GLRX3: variants seen among roughly 807,000 people sequenced by gnomAD.
GLRX3 encodes glutaredoxin-3.
A neutral mutation model predicts 49.5 loss-of-function variants in GLRX3; 22 were observed. That is an observed-to-expected ratio of 0.44 (90% CI 0.32 to 0.63). The LOEUF (loss-of-function observed/expected upper bound fraction) is 0.63, where lower values mean the gene tolerates loss of function less well. Among genes scored for constraint, GLRX3 ranks in the 30% least tolerant of loss-of-function variants. The pLI is 0.05. For synonymous variants in GLRX3, 133 were observed against 140.0 expected (o/e 0.95, Z 0.35); for missense variants, 385 against 396.3 (o/e 0.97, Z 0.24).
chr10:130,138,662 A>C (rs1263838588), intron 1 of GLRX3, among the ~76,000 whole-genome samples: 1 of 152,174 alleles, frequency 6.6e-6, no homozygotes, highest in Non-Finnish European at 1.5e-5. Flanking sequence ...CATCCAGTAC[A>C]GATCAGCACA....
intron 2 of GLRX3, among the ~76,000 whole-genome samples, chr10:130,152,376 G>T (rs1023648840): frequency 2.0e-5 from 3 of 152,118 alleles, no homozygotes; most frequent in Non-Finnish European, 4.4e-5. Flanking sequence ...TTGCCCGTTC[G>T]TTAATGCAGT....
intron 1 of GLRX3, among the ~76,000 whole-genome samples, chr10:130,143,054 TC>T (rs1418407560): frequency 6.6e-6 from 1 of 152,150 alleles, no homozygotes; most frequent in Non-Finnish European, 1.5e-5. Context: ...CCATTAAACT[TC>T]CTTTCCTCAG....
rs141156040 is a variant in GLRX3 at position 130,175,104 on chromosome 10, T to G, written c.957+15T>G. On this transcript the variant is annotated intron_variant, in intron 10 of 10. Transcript: ENST00000331244. ...ATATTGTGAAGGTAAGGCCAGTTCT[T>G]CTGCTGTTCTAAAGAACGGAAAAGA... 671 of 1,332,812 alleles carry G rather than the reference T, an allele frequency of 5.0e-4. 1 individual carries two copies. The African/African-American group carries it at 8.7e-3, about 17-fold the overall frequency. The allele number at this position is 1,332,812 out of a possible 1,614,324, so 82.6% of individuals were successfully genotyped here.
At chr10:130,166,270 A>G (rs1297875100) in intron 4 of GLRX3, among the ~76,000 whole-genome samples, 3 of 150,708 alleles carry the variant, frequency 2.0e-5, no homozygotes, top group Non-Finnish European at 4.4e-5. Context: ...CAGTAGTCAC[A>G]GTTGTGTCAA....
chr10:130,149,151 G>T (rs1369257778), intron 2 of GLRX3, among the ~76,000 whole-genome samples: 5 of 152,168 alleles, frequency 3.3e-5, no homozygotes, highest in Admixed American at 1.3e-4. Flanking sequence ...GCCATGTCTA[G>T]TGGGCTCTTC....
chr10:130,167,933 C>T (rs1862725200), intron 6 of GLRX3, among the ~76,000 whole-genome samples: 1 of 152,082 alleles, frequency 6.6e-6, no homozygotes, highest in African/African-American at 2.4e-5. Flanking sequence ...TGGTTCTTGC[C>T]TGTAGCCTGG....
At chr10:130,151,246 T>C (rs1862371621) in intron 2 of GLRX3, among the ~76,000 whole-genome samples, 1 of 152,200 alleles carries the variant, frequency 6.6e-6, no homozygotes, top group Non-Finnish European at 1.5e-5. Context: ...TGTTAAATCT[T>C]AAAAAGACTG....
At chr10:130,155,733 G>A (rs961101434) in intron 2 of GLRX3, among the ~76,000 whole-genome samples, 1 of 152,122 alleles carries the variant, frequency 6.6e-6, no homozygotes, top group Non-Finnish European at 1.5e-5. Flanking sequence ...TAATAGCAGC[G>A]TCATTTAGAG....
chr10:130,166,181 A>G (rs761451535), intron 4 of GLRX3, among the ~76,000 whole-genome samples: 26 of 146,680 alleles, frequency 1.8e-4, no homozygotes, highest in Non-Finnish European at 2.9e-4. Context: ...GGCTAGTGCT[A>G]TTTCTCCTGT....
chr10:130,158,714 C>A (rs1862522931), intron 2 of GLRX3, among the ~76,000 whole-genome samples: 1 of 151,944 alleles, frequency 6.6e-6, no homozygotes, highest in African/African-American at 2.4e-5. Flanking sequence ...GAAAATAACA[C>A]AAACGTCTTT....
chr10:130,137,013 C>T (rs1862068568), intron 1 of GLRX3, among the ~76,000 whole-genome samples: 2 of 152,264 alleles, frequency 1.3e-5, no homozygotes, highest in South Asian at 4.1e-4. Context: ...CTTCAGCCTC[C>T]CTTCAGGAAC....
chr10:130,147,996 G>T (rs1378653117), intron 2 of GLRX3, among the ~76,000 whole-genome samples: 1 of 152,158 alleles, frequency 6.6e-6, no homozygotes, highest in Non-Finnish European at 1.5e-5. Flanking sequence ...TCACACCACT[G>T]GACGTAGAGT....
At chr10:130,138,851 T>G (rs1862117335) in intron 1 of GLRX3, among the ~76,000 whole-genome samples, 1 of 145,654 alleles carries the variant, frequency 6.9e-6, no homozygotes, top group South Asian at 2.2e-4. Context: ...AAAAGTGTTT[T>G]TTTTTTTTTT....
At chr10:130,138,868 T>G (rs865871895) in intron 1 of GLRX3, among the ~76,000 whole-genome samples, 358 of 144,056 alleles carry the variant, frequency 2.5e-3, no homozygotes, top group Non-Finnish European at 3.8e-3. Context: ...TTTTTTTTTT[T>G]GGGGGGGAGA....
In GLRX3 at chr10:130,145,203, A is replaced by C; in HGVS notation, c.93-8A>C. On this transcript the variant is annotated splice_polypyrimidine_tract_variant and splice_region_variant and intron_variant, in intron 1 of 10. Coordinates refer to ENST00000331244, the MANE Select transcript of GLRX3 (RefSeq NM_006541.5). ...AATTTTAAATAAATGCATTTAATTG[A>C]TTTACAGGTCCCTCCTTGTGGTCCA... The C allele has an allele frequency of 8.6e-7, 1 of 1,160,442 alleles. No individual in the cohort carries two copies. Among genetic ancestry groups the C allele is most frequent in the South Asian group, 1.4e-5 (1 of 70,532 alleles). 71.9% of individuals were successfully genotyped at this position (1,160,442 alleles called of 1,614,324 possible).
In GLRX3 at chr10:130,160,044, C is replaced by G. The variant is rs1862543599; in HGVS notation, c.251C>G (p.Ser84Cys). 2.5e-6 allele frequency: 4 copies of G among 1,600,838 alleles called. No homozygotes were observed. The highest frequency in any genetic ancestry group is 3.4e-6 in the Non-Finnish European group (4 of 1,167,992). Residue 84 changes from serine (S) to cysteine (C), a missense_variant, in exon 3 of 11, where the codon TCT (serine) becomes TGT (cysteine). Ser to Cys is a moderately radical substitution (Grantham distance 112). This residue lies in a region of GLRX3 where 374 missense variants were observed against 358.6 expected (regional missense o/e 1.04). Transcript: ENST00000331244. ...PEVSEKYEIS[S>C]VPTFLFFKNS... ...GTATCTGAAAAATATGAAATTAGCT[C>G]TGTTCCCACTTTTCTGTTTTTCAAG...
At chr10:130,175,141 T>G in intron 10 of GLRX3, 52 bp downstream of exon 10, 1 of 1,002,732 alleles carries the variant, frequency 1.0e-6, no homozygotes. Context: ...TTTGGTATGT[T>G]TAAAAATGAT....
chr10:130,156,529 G>T (rs1043073851), intron 2 of GLRX3, among the ~76,000 whole-genome samples: 1 of 152,170 alleles, frequency 6.6e-6, no homozygotes, highest in Non-Finnish European at 1.5e-5. Context: ...GCCTGTTGTT[G>T]TAAGGATTAA....
chr10:130,147,530 C>T (rs1315358223), intron 2 of GLRX3, among the ~76,000 whole-genome samples: 2 of 152,190 alleles, frequency 1.3e-5, no homozygotes, highest in Non-Finnish European at 2.9e-5. Context: ...ACTGCACCTG[C>T]CACTCATGAG....
Sources: gnomAD v4.1 joint callset for allele counts (sites outside exome capture counted in the v4.1 genomes callset) on GRCh38, gnomAD v4.1.1 for gene constraint, gnomAD v4.1.1 regional missense constraint, MANE v1.5 for transcripts, NCBI Gene and HGNC (gene_info 2026-07-23, HGNC 2026-07-21) for gene names.